The following PRKN variants were observed in gnomAD, a reference collection of about 807,000 sequenced individuals.
PRKN encodes E3 ubiquitin-protein ligase parkin.
In PRKN, 56 loss-of-function variants were observed where a neutral mutation model predicts 59.5. The observed-to-expected ratio is 0.94, with a 90% CI of 0.76 to 1.18. The LOEUF is 1.18. Among genes scored for constraint, PRKN ranks in the 50% most tolerant of loss-of-function variants. The pLI is 0.00. For missense variants in PRKN, 657 were observed against 596.4 expected (o/e 1.10, Z -1.06); for synonymous variants, 250 against 222.1 (o/e 1.13, Z -1.12).
intron 6 of PRKN, among the ~76,000 whole-genome samples, chr6:161,940,814 G>C (rs549949429): frequency 6.6e-6 from 1 of 152,190 alleles, no homozygotes; most frequent in African/African-American, 2.4e-5. Flanking sequence ...TACAATGCAG[G>C]ACCACCCATT....
chr6:162,124,371 C>T (rs993388117), intron 4 of PRKN, among the ~76,000 whole-genome samples: 6 of 152,264 alleles, frequency 3.9e-5, no homozygotes, highest in African/African-American at 9.6e-5. Flanking sequence ...GTCTTTCCCT[C>T]GCTGGGAAAG....
In PRKN at chr6:161,567,985, G is replaced by A. The variant is rs1374617407; in HGVS notation, c.933+1370C>T. 4.6e-5 allele frequency among the ~76,000 whole-genome samples: 7 copies of A among 152,238 alleles called. No homozygotes were observed. The East Asian group carries it at 5.8e-4, about 13-fold the overall frequency. On this transcript the variant is annotated intron_variant, in intron 8 of 11. Coordinates refer to ENST00000366898, the MANE Select transcript of PRKN (RefSeq NM_004562.3). ...AGTTGTCAACTTTTACCTGCAATACGGGATAACTGATTTCACTTGTATTTG... is the reference window on the plus strand; with the variant it reads ...AGTTGTCAACTTTTACCTGCAATACAGGATAACTGATTTCACTTGTATTTG...
At chr6:162,472,211 T>A (rs1791781129) in intron 1 of PRKN, among the ~76,000 whole-genome samples, 1 of 76,186 alleles carries the variant, frequency 1.3e-5, no homozygotes, top group Admixed American at 1.4e-4. Flanking sequence ...AACTCAAACT[T>A]TTTTTTTATA....
At chr6:162,461,525 A>AG (rs1371037861) in intron 1 of PRKN, among the ~76,000 whole-genome samples, 5 of 147,514 alleles carry the variant, frequency 3.4e-5, no homozygotes, top group African/African-American at 1.2e-4. Context: ...AAAAAAAAAA[A>AG]AAAGAAAGAA....
intron 7 of PRKN, among the ~76,000 whole-genome samples, chr6:161,645,060 GA>G (rs971400060): frequency 6.6e-6 from 1 of 151,120 alleles, no homozygotes; most frequent in African/African-American, 2.4e-5. Context: ...TTATCAATAA[GA>G]AAAAAAAATT....
At chr6:162,572,639 T>C (rs1780387581) in intron 1 of PRKN, among the ~76,000 whole-genome samples, 1 of 152,166 alleles carries the variant, frequency 6.6e-6, no homozygotes, top group Non-Finnish European at 1.5e-5. Flanking sequence ...CTTACTTTAC[T>C]ACAAAATGTC....
chr6:161,486,688 T>A (rs1437586017), intron 9 of PRKN, among the ~76,000 whole-genome samples: 1 of 152,242 alleles, frequency 6.6e-6, no homozygotes, highest in Non-Finnish European at 1.5e-5. Context: ...CAATTTACTA[T>A]TTCCAGTTCT....
intron 4 of PRKN, among the ~76,000 whole-genome samples, chr6:162,089,039 C>G (rs548757701): frequency 3.9e-5 from 6 of 152,228 alleles, no homozygotes; most frequent in African/African-American, 1.4e-4. Flanking sequence ...CATGAGCGAA[C>G]AAAGACAACA....
chr6:161,848,405 C>T (rs1793288698), intron 6 of PRKN, among the ~76,000 whole-genome samples: 1 of 152,110 alleles, frequency 6.6e-6, no homozygotes, highest in African/African-American at 2.4e-5. Context: ...ATTTTCTTAT[C>T]ATAGGGAAAT....
intron 7 of PRKN, among the ~76,000 whole-genome samples, chr6:161,599,663 T>G (rs1295146894): frequency 5.9e-5 from 9 of 152,170 alleles, no homozygotes; most frequent in Non-Finnish European, 1.3e-4. Flanking sequence ...AAAGCCTGGC[T>G]TACAGCAATT....
chr6:162,172,216 G>T (rs761480074), intron 4 of PRKN, among the ~76,000 whole-genome samples: 1 of 152,166 alleles, frequency 6.6e-6, no homozygotes, highest in Non-Finnish European at 1.5e-5. Context: ...AGATCGGAGC[G>T]GGGTGCTGCC....
intron 5 of PRKN, among the ~76,000 whole-genome samples, chr6:162,029,547 G>A (rs542789332): frequency 6.6e-6 from 1 of 152,092 alleles, no homozygotes; most frequent in Non-Finnish European, 1.5e-5. Context: ...ACCGTGCACC[G>A]CACTCTAGTT....
intron 4 of PRKN, among the ~76,000 whole-genome samples, chr6:162,153,549 C>T (rs1022044338): frequency 6.6e-6 from 1 of 152,174 alleles, no homozygotes; most frequent in East Asian, 1.9e-4. Flanking sequence ...TTATAACAGC[C>T]TTTTGGGGTA....
intron 7 of PRKN, among the ~76,000 whole-genome samples, chr6:161,639,476 A>G (rs1437982080): frequency 1.3e-5 from 2 of 152,154 alleles, no homozygotes; most frequent in Non-Finnish European, 2.9e-5. Flanking sequence ...CCTCTTCCCC[A>G]GGAAAGGAAA....
intron 1 of PRKN, among the ~76,000 whole-genome samples, chr6:162,513,824 C>T (rs578204021): frequency 9.9e-5 from 15 of 152,134 alleles, no homozygotes; most frequent in Admixed American, 3.3e-4. Flanking sequence ...GAGGCTGAGG[C>T]AGGTGGACCA....
intron 8 of PRKN, among the ~76,000 whole-genome samples, chr6:161,567,033 T>TGTGTGTG (rs1244388996): frequency 4.5e-5 from 5 of 112,150 alleles, no homozygotes; most frequent in East Asian, 7.9e-4. Flanking sequence ...TTTTTTTTTT[T>TGTGTGTG]TTTTTGTGTG....
chr6:161,973,280 G>C, intron 6 of PRKN, 22 bp downstream of exon 6: 1 of 1,468,372 alleles, frequency 6.8e-7, no homozygotes, highest in South Asian at 1.1e-5. Flanking sequence ...GGAGGGAAGT[G>C]ACACTATTTT....
intron 3 of PRKN, among the ~76,000 whole-genome samples, chr6:162,204,642 T>C (rs1784858127): frequency 6.6e-6 from 1 of 152,106 alleles, no homozygotes; most frequent in Non-Finnish European, 1.5e-5. Context: ...TACTTTGTCA[T>C]GTGCCAGGAG....
intron 2 of PRKN, among the ~76,000 whole-genome samples, chr6:162,264,553 C>T (rs1391485528): frequency 2.6e-5 from 4 of 151,994 alleles, no homozygotes; most frequent in Non-Finnish European, 5.9e-5. Context: ...GGCACCAGGA[C>T]ACCCTTCGTC....
Sources: gnomAD v4.1 joint callset for allele counts (sites outside exome capture counted in the v4.1 genomes callset) on GRCh38, gnomAD v4.1.1 for gene constraint, MANE v1.5 for transcripts, NCBI Gene and HGNC (gene_info 2026-07-23, HGNC 2026-07-21) for gene names.